SPMIP7: variants seen among roughly 807,000 people sequenced by gnomAD.
The protein encoded by SPMIP7 is protein SPMIP7.
chr7:50,122,579 A>C, the SPMIP7 span, among the ~76,000 whole-genome samples: 1 of 151,028 alleles, frequency 6.6e-6, no homozygotes, highest in Non-Finnish European at 1.5e-5. Context: ...ATCTAATTAA[A>C]CTAAAGAGCT....
the SPMIP7 span, chr7:50,158,970 T>G: frequency 1.5e-5 from 21 of 1,428,184 alleles, no homozygotes; most frequent in Non-Finnish European, 2.0e-5. Context: ...AGGGGTATCA[T>G]TAGTTGGATG....
At chr7:50,125,283 T>TAC in the SPMIP7 span, among the ~76,000 whole-genome samples, 1 of 139,604 alleles carries the variant, frequency 7.2e-6, no homozygotes, top group African/African-American at 2.8e-5. Flanking sequence ...TACACATATA[T>TAC]ACACATATAT....
At chr7:50,143,238 C>T in the SPMIP7 span, among the ~76,000 whole-genome samples, 1 of 148,960 alleles carries the variant, frequency 6.7e-6, no homozygotes, top group Non-Finnish European at 1.5e-5. Context: ...GATCTCGGCT[C>T]ACTGCAACCT....
chr7:50,122,295 G>A, the SPMIP7 span, among the ~76,000 whole-genome samples: 1 of 151,714 alleles, frequency 6.6e-6, no homozygotes, highest in Non-Finnish European at 1.5e-5. Context: ...TGACAAACCT[G>A]AGAAAAACAA....
At chr7:50,125,337 T>TATATATAC in the SPMIP7 span, among the ~76,000 whole-genome samples, 1 of 146,328 alleles carries the variant, frequency 6.8e-6, no homozygotes, top group Non-Finnish European at 1.5e-5. Flanking sequence ...CACATATATA[T>TATATATAC]ACATATATAT....
chr7:50,129,063 A>G, the SPMIP7 span, among the ~76,000 whole-genome samples: 4 of 152,074 alleles, frequency 2.6e-5, no homozygotes, highest in Non-Finnish European at 5.9e-5. Context: ...GAATTGAACT[A>G]GAACTCTGAA....
At chr7:50,125,486 G>T in the SPMIP7 span, among the ~76,000 whole-genome samples, 3 of 150,490 alleles carry the variant, frequency 2.0e-5, no homozygotes, top group African/African-American at 7.3e-5. Context: ...AATGGAAATT[G>T]TGAAATGGAG....
the SPMIP7 span, among the ~76,000 whole-genome samples, chr7:50,144,866 C>T: frequency 4.0e-5 from 6 of 151,858 alleles, no homozygotes; most frequent in East Asian, 5.8e-4. Flanking sequence ...AACTGTTGAC[C>T]GGATCTGGGT....
chr7:50,149,943 G>C, the SPMIP7 span, among the ~76,000 whole-genome samples: 1 of 152,222 alleles, frequency 6.6e-6, no homozygotes, highest in East Asian at 1.9e-4. Flanking sequence ...GCTGAGGCTA[G>C]AAGGCTCCAA....
the SPMIP7 span, among the ~76,000 whole-genome samples, chr7:50,137,054 C>G: frequency 6.6e-6 from 1 of 151,894 alleles, no homozygotes; most frequent in Non-Finnish European, 1.5e-5. Context: ...TTCATGCATT[C>G]TTATAATTTT....
the SPMIP7 span, chr7:50,104,531 A>G: frequency 2.8e-3 from 822 of 289,562 alleles, 31 homozygotes; most frequent in East Asian, 0.055. Flanking sequence ...ATGAACAGCT[A>G]CTATGTATAT....
At chr7:50,119,662 T>A in the SPMIP7 span, among the ~76,000 whole-genome samples, 1 of 152,200 alleles carries the variant, frequency 6.6e-6, no homozygotes, top group Non-Finnish European at 1.5e-5. Flanking sequence ...CTACTTGCTT[T>A]CCTATGCTTA....
At chr7:50,107,116 G>A in the SPMIP7 span, among the ~76,000 whole-genome samples, 2 of 151,244 alleles carry the variant, frequency 1.3e-5, no homozygotes, top group Admixed American at 6.6e-5. Flanking sequence ...ACATGTCTGG[G>A]AGGTCAAGGC....
the SPMIP7 span, among the ~76,000 whole-genome samples, chr7:50,122,518 T>C: frequency 6.6e-6 from 1 of 151,550 alleles, no homozygotes; most frequent in Non-Finnish European, 1.5e-5. Context: ...AAGGACTTCA[T>C]GTCTAAAACA....
the SPMIP7 span, among the ~76,000 whole-genome samples, chr7:50,101,245 A>C: frequency 6.6e-6 from 1 of 152,208 alleles, no homozygotes; most frequent in African/African-American, 2.4e-5. Flanking sequence ...GCACGTTGGG[A>C]TTAGTCCTCT....
the SPMIP7 span, among the ~76,000 whole-genome samples, chr7:50,138,212 C>T: frequency 6.6e-6 from 1 of 152,126 alleles, no homozygotes; most frequent in African/African-American, 2.4e-5. Context: ...CATAAATAGG[C>T]AATTATGCTA....
chr7:50,100,899 T>C, the SPMIP7 span, among the ~76,000 whole-genome samples: 1 of 152,060 alleles, frequency 6.6e-6, no homozygotes, highest in East Asian at 1.9e-4. Context: ...TCCTTTATGA[T>C]TTCTTATCTG....
chr7:50,159,043 C>G, the SPMIP7 span: 1 of 1,551,848 alleles, frequency 6.4e-7, no homozygotes, highest in Non-Finnish European at 8.7e-7. Flanking sequence ...CATCCTGCCC[C>G]AGCGTCTTCC....
At chr7:50,108,913 G>A in the SPMIP7 span, among the ~76,000 whole-genome samples, 2 of 152,240 alleles carry the variant, frequency 1.3e-5, no homozygotes, top group Non-Finnish European at 2.9e-5. Context: ...TATATGAATT[G>A]ATGTATAGTA....
Sources: allele counts gnomAD v4.1 joint callset (sites outside exome capture counted in the v4.1 genomes callset), GRCh38; gene constraint gnomAD v4.1.1; transcripts MANE v1.5; gene names NCBI Gene and HGNC (gene_info 2026-07-23, HGNC 2026-07-21).